The following ADGRB3 variants were observed in gnomAD, a reference collection of about 807,000 sequenced individuals.
ADGRB3 encodes brain-specific angiogenesis inhibitor 3.
In ADGRB3, 37 loss-of-function variants were observed where a neutral mutation model predicts 193.4. The observed-to-expected ratio is 0.19, with a 90% CI of 0.15 to 0.25. ADGRB3 has a LOEUF of 0.25. ADGRB3 is among the 10% of genes least tolerant of loss of function. The pLI is 1.00. For synonymous variants in ADGRB3, 690 were observed against 644.2 expected (o/e 1.07, Z -1.08); for missense variants, 1,637 against 1,852.9 (o/e 0.88, Z 2.14).
intron 17 of ADGRB3, among the ~76,000 whole-genome samples, chr6:69,135,887 A>C (rs1774136180): frequency 6.6e-6 from 1 of 152,100 alleles, no homozygotes; most frequent in African/African-American, 2.4e-5. Context: ...AAAACAGAAA[A>C]TGCTCCCTCT....
In ADGRB3 at chr6:69,035,352, G is replaced by A. The variant is rs368528566; in HGVS notation, c.2108-12833G>A. Among the ~76,000 whole-genome samples the A allele has an allele frequency of 5.4e-4, 55 of 102,406 alleles. 1 individual carries two copies. The East Asian group carries it at 0.013, about 25-fold the overall frequency. 67.2% of individuals were successfully genotyped at this position (102,406 alleles called of 152,430 possible). ...TTTGAAAAAGGTATAGGACCTATGG[G>A]TTTTTTGCTTTTTTTGTTTGTTTTT... On this transcript the variant is annotated intron_variant, in intron 13 of 31. Transcript: ENST00000370598.
chr6:69,330,665 C>T, intron 23 of ADGRB3, 93 bp downstream of exon 23: 1 of 1,035,264 alleles, frequency 9.7e-7, no homozygotes, highest in Non-Finnish European at 1.4e-6. Context: ...TAATGTAGTT[C>T]TTGTGTAGAA....
At chr6:69,006,323 G>GA (rs533763566) in intron 11 of ADGRB3, among the ~76,000 whole-genome samples, 8 of 147,472 alleles carry the variant, frequency 5.4e-5, no homozygotes, top group Admixed American at 3.4e-4. Context: ...TGCATCAGGG[G>GA]AAAAAAAAAC....
chr6:69,337,847 C>T (rs1421919228), intron 24 of ADGRB3, among the ~76,000 whole-genome samples: 2 of 152,156 alleles, frequency 1.3e-5, no homozygotes, highest in African/African-American at 2.4e-5. Flanking sequence ...TTTCTCTCTT[C>T]TGCCACTTTT....
At chr6:69,141,193 G>GA (rs1774332229) in intron 17 of ADGRB3, among the ~76,000 whole-genome samples, 1 of 150,788 alleles carries the variant, frequency 6.6e-6, no homozygotes, top group African/African-American at 2.4e-5. Flanking sequence ...GCGCCATCTC[G>GA]GCTCACTGCA....
intron 17 of ADGRB3, among the ~76,000 whole-genome samples, chr6:69,104,986 A>T (rs1403498308): frequency 6.6e-6 from 1 of 152,180 alleles, no homozygotes; most frequent in Non-Finnish European, 1.5e-5. Flanking sequence ...AAGTGTTTTA[A>T]CATTGTAGTT....
At chr6:69,233,927 C>T (rs917172773) in intron 18 of ADGRB3, among the ~76,000 whole-genome samples, 15 of 152,034 alleles carry the variant, frequency 9.9e-5, no homozygotes, top group Non-Finnish European at 2.1e-4. Flanking sequence ...GCATGGCTGT[C>T]AGGAACTGTA....
intron 10 of ADGRB3, among the ~76,000 whole-genome samples, chr6:68,992,133 A>G (rs1769255879): frequency 6.6e-6 from 1 of 152,204 alleles, no homozygotes; most frequent in South Asian, 2.1e-4. Context: ...GATAAAAGTC[A>G]TGTCTGTATA....
intron 30 of ADGRB3, among the ~76,000 whole-genome samples, chr6:69,374,514 G>A (rs535486663): frequency 8.5e-5 from 13 of 152,070 alleles, no homozygotes; most frequent in Non-Finnish European, 1.9e-4. Context: ...CAGGCTTTAA[G>A]GCTAACACAC....
At chr6:68,714,188 C>G (rs1171230824) in intron 3 of ADGRB3, among the ~76,000 whole-genome samples, 1 of 151,652 alleles carries the variant, frequency 6.6e-6, no homozygotes, top group African/African-American at 2.4e-5. Context: ...GTACTTCAGA[C>G]TTGAATCTCT....
intron 17 of ADGRB3, among the ~76,000 whole-genome samples, chr6:69,160,596 A>G (rs1034925018): frequency 2.6e-5 from 4 of 152,178 alleles, no homozygotes; most frequent in Admixed American, 1.3e-4. Context: ...ATCATCTAGC[A>G]TAGCTATTCG....
chr6:69,139,931 A>G (rs1162413675), intron 17 of ADGRB3, among the ~76,000 whole-genome samples: 3 of 152,240 alleles, frequency 2.0e-5, no homozygotes, highest in East Asian at 1.9e-4. Flanking sequence ...AATAAGACCT[A>G]TAGAAATTAA....
chr6:68,707,581 T>C, intron 3 of ADGRB3, among the ~76,000 whole-genome samples: 1 of 152,208 alleles, frequency 6.6e-6, no homozygotes, highest in East Asian at 1.9e-4. Flanking sequence ...AAGATTAAAA[T>C]ACAGTTTTCT....
chr6:68,837,144 G>A (rs553661052), intron 3 of ADGRB3, among the ~76,000 whole-genome samples: 41 of 152,240 alleles, frequency 2.7e-4, no homozygotes, highest in African/African-American at 9.1e-4. Context: ...ACCAGGAACT[G>A]CATACAAAAC....
intron 16 of ADGRB3, among the ~76,000 whole-genome samples, chr6:69,073,952 C>T (rs1772152937): frequency 6.6e-6 from 1 of 152,132 alleles, no homozygotes; most frequent in Admixed American, 6.5e-5. Flanking sequence ...TGTAACAGAT[C>T]ATTTTCAATT....
chr6:68,715,904 A>G (rs1765481548), intron 3 of ADGRB3, among the ~76,000 whole-genome samples: 1 of 151,418 alleles, frequency 6.6e-6, no homozygotes, highest in Non-Finnish European at 1.5e-5. Context: ...GAACCACTAC[A>G]CTCTTTCTTG....
intron 29 of ADGRB3, among the ~76,000 whole-genome samples, chr6:69,366,892 T>G (rs1769580909): frequency 6.6e-6 from 1 of 152,160 alleles, no homozygotes; most frequent in Admixed American, 6.6e-5. Flanking sequence ...TGCTAGATGC[T>G]GCGGATCTAA....
At chr6:69,132,380 G>T (rs1774035504) in intron 17 of ADGRB3, among the ~76,000 whole-genome samples, 1 of 152,206 alleles carries the variant, frequency 6.6e-6, no homozygotes, top group South Asian at 2.1e-4. Context: ...GACCAGTGAT[G>T]ATGAGCTTTT....
At chr6:68,990,134 G>GAA (rs1769191869) in intron 10 of ADGRB3, among the ~76,000 whole-genome samples, 1 of 151,470 alleles carries the variant, frequency 6.6e-6, no homozygotes, top group Admixed American at 6.6e-5. Context: ...AATCCAGAAA[G>GAA]AAAAAAGGGA....
Sources: allele counts gnomAD v4.1 joint callset (sites outside exome capture counted in the v4.1 genomes callset), GRCh38; gene constraint gnomAD v4.1.1; transcripts MANE v1.5; gene names NCBI Gene and HGNC (gene_info 2026-07-23, HGNC 2026-07-21).